ADAMTSL3: variants seen among roughly 807,000 people sequenced by gnomAD.
ADAMTSL3 encodes the protein ADAMTS-like protein 3.
ADAMTSL3 carries 128 observed loss-of-function variants against 201.7 expected under a neutral mutation model. That is an observed-to-expected ratio of 0.63 (90% CI 0.55 to 0.73). The LOEUF (loss-of-function observed/expected upper bound fraction) is 0.73. ADAMTSL3 is among the 30% of genes least tolerant of loss of function. The pLI is 0.00. For synonymous variants in ADAMTSL3, 738 were observed against 748.4 expected, an observed-to-expected ratio of 0.99 and a Z score of 0.23; for missense variants, 1,990 against 2,119.6, an observed-to-expected ratio of 0.94 and a Z score of 1.20.
chr15:83,949,107 A>G (rs1483405011), intron 19 of ADAMTSL3, among the ~76,000 whole-genome samples: 1 of 152,034 alleles, frequency 6.6e-6, no homozygotes, highest in Non-Finnish European at 1.5e-5. Context: ...GGTCTTACTG[A>G]TTCTTTCTAA....
intron 17 of ADAMTSL3, 44 bp from the exon 18 acceptor site, chr15:83,942,552 G>A (rs1226906544): frequency 2.1e-5 from 33 of 1,576,706 alleles, no homozygotes; most frequent in Non-Finnish European, 2.7e-5. Context: ...TTGCACGTTG[G>A]TTTATTGGAC....
chr15:83,870,785 A>C lies in ADAMTSL3; in HGVS notation c.803-17A>C. ...TTTAAGATTGTTTCTTATTTGAATC[A>C]TATATTTTAATTTTAGTTATTGAAT... On this transcript the variant is annotated splice_polypyrimidine_tract_variant and intron_variant, in intron 8 of 29. Transcript: ENST00000286744. 1 of 1,547,536 alleles carries C rather than the reference A, an allele frequency of 6.5e-7. No homozygotes were observed. Among genetic ancestry groups the C allele is most frequent in the Non-Finnish European group, 8.7e-7 (1 of 1,145,662 alleles).
chr15:83,899,724 G>A lies in ADAMTSL3; in HGVS notation c.1693G>A (p.Glu565Lys). The A allele has an allele frequency of 6.2e-7, 1 of 1,610,810 alleles. No individual in the cohort carries two copies. ...AGAAGAGACCAGAATAGCAACAGAA[G>A]AACCAACGTGAGTCCAGGACCTTTT... ...ELEETRIATE[E>K]PTFIPEPWSA... is the part of the protein sequence containing the mutation. The change falls in exon 15 of 30, where the codon GAA becomes AAA. Residue 565 changes from glutamate to lysine, a missense_variant. Physicochemically the swap from Glu to Lys is moderately conservative, Grantham distance 56. Coordinates refer to ENST00000286744, the MANE Select transcript of ADAMTSL3 (RefSeq NM_207517.3).
chr15:83,819,745 T>C, intron 5 of ADAMTSL3, 66 bp from the exon 6 acceptor site: 3 of 1,302,046 alleles, frequency 2.3e-6, no homozygotes, highest in Non-Finnish European at 3.3e-6. Flanking sequence ...CTGGTGAACT[T>C]ATTTCATCTT....
chr15:83,699,401 C>T (rs1433596414), intron 2 of ADAMTSL3, among the ~76,000 whole-genome samples: 2 of 152,160 alleles, frequency 1.3e-5, no homozygotes, highest in Non-Finnish European at 2.9e-5. Flanking sequence ...CTCCCTTTTC[C>T]TCCCTCATCG....
intron 23 of ADAMTSL3, among the ~76,000 whole-genome samples, chr15:83,991,683 G>A (rs2067586102): frequency 3.3e-5 from 5 of 152,232 alleles, no homozygotes; most frequent in Admixed American, 3.3e-4. Context: ...CTCTCTTCTG[G>A]ATTGTCCCTG....
intron 23 of ADAMTSL3, among the ~76,000 whole-genome samples, chr15:84,001,695 G>A (rs187749398): frequency 6.6e-6 from 1 of 152,322 alleles, no homozygotes; most frequent in East Asian, 1.9e-4. Flanking sequence ...TTGGCTTAGG[G>A]GTGGGCAACA....
At chr15:84,008,877 T>TA (rs2067950188) in intron 23 of ADAMTSL3, among the ~76,000 whole-genome samples, 1 of 152,188 alleles carries the variant, frequency 6.6e-6, no homozygotes, top group African/African-American at 2.4e-5. Context: ...GGCAGTTATT[T>TA]AATTTGCTTG....
intron 4 of ADAMTSL3, among the ~76,000 whole-genome samples, chr15:83,799,406 A>G (rs924401000): frequency 3.3e-5 from 5 of 152,136 alleles, no homozygotes; most frequent in African/African-American, 9.7e-5. Context: ...TGCAAACCAT[A>G]TGCCAGCCAG....
intron 3 of ADAMTSL3, among the ~76,000 whole-genome samples, chr15:83,714,294 G>A (rs1216451420): frequency 1.3e-5 from 2 of 152,138 alleles, no homozygotes; most frequent in Admixed American, 6.5e-5. Flanking sequence ...TGCTTGGTGG[G>A]ACATCCCAAG....
chr15:84,030,669 G>C (rs1057384969), intron 27 of ADAMTSL3, among the ~76,000 whole-genome samples: 10 of 152,332 alleles, frequency 6.6e-5, no homozygotes, highest in Non-Finnish European at 1.5e-4. Flanking sequence ...TTGGGGGACT[G>C]TTGGGAAGGC....
At chr15:83,694,182 C>G (rs1007396606) in intron 2 of ADAMTSL3, 6 of 152,202 alleles carry the variant, frequency 3.9e-5, no homozygotes, top group Non-Finnish European at 5.9e-5. Flanking sequence ...CCAGAAAACA[C>G]CTCCCTTCTG....
At chr15:84,037,234 T>C (rs1294320961) in intron 29 of ADAMTSL3, among the ~76,000 whole-genome samples, 4 of 152,194 alleles carry the variant, frequency 2.6e-5, no homozygotes, top group Admixed American at 2.6e-4. Context: ...GGTTACTGCC[T>C]TTCCGACAAG....
chr15:83,977,063 G>A (rs535163727), intron 20 of ADAMTSL3, among the ~76,000 whole-genome samples: 17 of 152,242 alleles, frequency 1.1e-4, no homozygotes, highest in South Asian at 1.0e-3. Flanking sequence ...GGAGGTGAGC[G>A]GGAGGCAAGC....
intron 2 of ADAMTSL3, among the ~76,000 whole-genome samples, chr15:83,687,687 A>C (rs2061556628): frequency 6.6e-6 from 1 of 152,184 alleles, no homozygotes; most frequent in Non-Finnish European, 1.5e-5. Flanking sequence ...AATATCCTTC[A>C]ATATTACTTC....
At chr15:83,997,259 C>G (rs1291649627) in intron 23 of ADAMTSL3, among the ~76,000 whole-genome samples, 1 of 152,164 alleles carries the variant, frequency 6.6e-6, no homozygotes, top group Non-Finnish European at 1.5e-5. Context: ...GGGGATAGAA[C>G]TTTAGCTCTA....
chr15:83,766,911 A>G (rs1003252724), intron 3 of ADAMTSL3, among the ~76,000 whole-genome samples: 1 of 152,180 alleles, frequency 6.6e-6, no homozygotes, highest in Non-Finnish European at 1.5e-5. Context: ...CATGGCCAAC[A>G]TGGTGAAACC....
chr15:83,844,748 C>T (rs1388627888), intron 7 of ADAMTSL3, among the ~76,000 whole-genome samples: 1 of 152,152 alleles, frequency 6.6e-6, no homozygotes, highest in Non-Finnish European at 1.5e-5. Flanking sequence ...TTTTGTTTGT[C>T]TTCTGGCCCT....
intron 3 of ADAMTSL3, among the ~76,000 whole-genome samples, chr15:83,752,021 A>G (rs533401110): frequency 1.1e-4 from 17 of 152,392 alleles, no homozygotes; most frequent in African/African-American, 3.8e-4. Flanking sequence ...GCAATTTATT[A>G]TGAGAAACAA....
Sources: allele counts gnomAD v4.1 joint callset (sites outside exome capture counted in the v4.1 genomes callset), GRCh38; gene constraint gnomAD v4.1.1; transcripts MANE v1.5; gene names NCBI Gene and HGNC (gene_info 2026-07-23, HGNC 2026-07-21).